Variants in ATRNL1 observed in about 807,000 individuals in gnomAD.
ATRNL1 encodes the protein attractin like 1, also known as attractin-like protein 1.
ATRNL1 carries 95 observed loss-of-function variants against 182.7 expected under a neutral mutation model. That is an observed-to-expected ratio of 0.52 (90% CI 0.44 to 0.62). The LOEUF is 0.62. ATRNL1 is among the 20% of genes least tolerant of loss of function. The pLI is 0.00. For missense variants in ATRNL1, 1,471 were observed against 1,679.5 expected (o/e 0.88, Z 2.17); for synonymous variants, 576 against 568.3 (o/e 1.01, Z -0.19).
At chr10:115,697,450 C>A (rs782680650) in intron 26 of ATRNL1, among the ~76,000 whole-genome samples, 1 of 151,988 alleles carries the variant, frequency 6.6e-6, no homozygotes, top group South Asian at 2.1e-4. Flanking sequence ...CTCAGCCTCC[C>A]GAATAGCTGG....
chr10:115,316,563 C>T (rs11197157), intron 18 of ATRNL1, among the ~76,000 whole-genome samples: 4,012 of 152,108 alleles, frequency 0.026, 75 homozygotes, highest in Non-Finnish European at 0.041. Flanking sequence ...TCCACAGCCT[C>T]GCTAACATCT....
rs1555057353 is a variant in ATRNL1 at position 115,719,920 on chromosome 10, G to A, written c.3796-7328G>A. Among the ~76,000 whole-genome samples the A allele has an allele frequency of 2.0e-5, 3 of 147,416 alleles. No individual in the cohort carries two copies. The South Asian group carries it at 6.4e-4, about 32-fold the overall frequency. On this transcript the variant is annotated intron_variant, in intron 26 of 28. Coordinates refer to ENST00000355044, the MANE Select transcript of ATRNL1 (RefSeq NM_207303.4). The stretch of plus-strand genomic sequence containing the variant: ...TTTTTGCCCCAGGCTGGAGTGCAGT[G>A]GTGGTCTTGGCTCACTGTATCCTCT...
At chr10:115,171,824 A>C (rs1198864326) in intron 8 of ATRNL1, among the ~76,000 whole-genome samples, 1 of 152,040 alleles carries the variant, frequency 6.6e-6, no homozygotes, top group Non-Finnish European at 1.5e-5. Flanking sequence ...TTTTTGTACT[A>C]TACCTTTACT....
intron 28 of ATRNL1, among the ~76,000 whole-genome samples, chr10:115,885,028 T>G (rs2134449484): frequency 6.6e-6 from 1 of 152,324 alleles, no homozygotes; most frequent in South Asian, 2.1e-4. Flanking sequence ...TAAAGCTAAT[T>G]AACATTCAGA....
chr10:115,153,514 A>G (rs545203505), intron 5 of ATRNL1, among the ~76,000 whole-genome samples: 1 of 151,982 alleles, frequency 6.6e-6, no homozygotes, highest in African/African-American at 2.4e-5. Flanking sequence ...TGTTTATAGT[A>G]TTTTCTGATG....
At chr10:115,421,784 G>C (rs868971013) in intron 20 of ATRNL1, among the ~76,000 whole-genome samples, 1 of 152,254 alleles carries the variant, frequency 6.6e-6, no homozygotes, top group Middle Eastern at 3.4e-3. Context: ...CATGTTAATT[G>C]ACTTCAAACT....
At chr10:115,670,351 CATTGTT>C (rs1240880966) in intron 26 of ATRNL1, among the ~76,000 whole-genome samples, 3 of 152,152 alleles carry the variant, frequency 2.0e-5, no homozygotes, top group Admixed American at 2.0e-4. Flanking sequence ...TAGTTCCAGT[CATTGTT>C]ATTAATGTAT....
chr10:115,368,579 G>A (rs1331925013), intron 19 of ATRNL1, among the ~76,000 whole-genome samples: 1 of 152,134 alleles, frequency 6.6e-6, no homozygotes, highest in Non-Finnish European at 1.5e-5. Flanking sequence ...CACCATGGCT[G>A]TAGATCTCCA....
chr10:115,554,589 G>A lies in ATRNL1; in HGVS notation c.3795+5053G>A, dbSNP rs192747729. On this transcript the variant is annotated intron_variant, in intron 26 of 28. Transcript: ENST00000355044. ...TATAGGCCCCATTATTGGGGAATTT[G>A]TAGTTTTAAAACATTTCAATAAGGC... Among the ~76,000 whole-genome samples the A allele has an allele frequency of 5.3e-3, 810 of 151,634 alleles. 2 individuals are homozygous for A. Among genetic ancestry groups the A allele is most frequent in the Non-Finnish European group, 8.1e-3 (546 of 67,562 alleles).
rs782157017 is a variant in ATRNL1, at chr10:115,442,303, C to CTCTCTCTCTGTG, written c.3322+16002_3322+16003insCTCTCTCTGTGT. On this transcript the variant is annotated intron_variant, in intron 21 of 28. Coordinates refer to ENST00000355044, the MANE Select transcript of ATRNL1 (RefSeq NM_207303.4). Reference sequence around the variant, plus strand: ...TCTCTCTCTCTCTCTCTCTCTCTCTCTGTGTGTATGTGTGTGTGTAAACAA... The same window carrying CTCTCTCTCTGTG: ...TCTCTCTCTCTCTCTCTCTCTCTCTCTCTCTCTCTGTGTGTGTGTATGTGTGTGTGTAAACAA... Among the ~76,000 whole-genome samples, 452 of 123,828 alleles carry CTCTCTCTCTGTG rather than the reference C, an allele frequency of 3.7e-3. 9 individuals are homozygous for CTCTCTCTCTGTG. Among genetic ancestry groups the CTCTCTCTCTGTG allele is most frequent in the Non-Finnish European group, 6.1e-3 (352 of 57,942 alleles). The allele number at this position is 123,828 out of a possible 152,430, so 81.2% of individuals were successfully genotyped here. A position where few individuals can be genotyped will look rare whatever the true frequency, so the allele number is the denominator to read the frequency against.
At chr10:115,561,837 ATGT>A (rs1309531056) in intron 26 of ATRNL1, among the ~76,000 whole-genome samples, 4 of 152,210 alleles carry the variant, frequency 2.6e-5, no homozygotes, top group African/African-American at 4.8e-5. Context: ...ATCGATAATA[ATGT>A]TATTATTATT....
At chr10:115,944,573 A>G in intron 28 of ATRNL1, 85 bp from the exon 29 acceptor site, 1 of 1,170,048 alleles carries the variant, frequency 8.5e-7, no homozygotes. Context: ...ATGAAAAGCA[A>G]TAAAAAGCAG....
chr10:115,320,927 G>A (rs1854550915), intron 18 of ATRNL1, among the ~76,000 whole-genome samples: 1 of 152,156 alleles, frequency 6.6e-6, no homozygotes, highest in Non-Finnish European at 1.5e-5. Flanking sequence ...GAGATGTTGT[G>A]ATCATTCGGA....
intron 16 of ATRNL1, among the ~76,000 whole-genome samples, chr10:115,301,504 G>A (rs1227090366): frequency 2.6e-5 from 4 of 152,084 alleles, no homozygotes; most frequent in Non-Finnish European, 5.9e-5. Context: ...TTTGTAAGAT[G>A]TGGAATGCTA....
At chr10:115,356,203 T>G (rs11197181) in intron 19 of ATRNL1, among the ~76,000 whole-genome samples, 52,429 of 151,862 alleles carry the variant, frequency 0.35, 9,988 homozygotes, top group Middle Eastern at 0.47. Flanking sequence ...GCAGAAAATT[T>G]ATTACCAAAT....
intron 26 of ATRNL1, among the ~76,000 whole-genome samples, chr10:115,697,395 G>A (rs1946597646): frequency 6.6e-6 from 1 of 152,002 alleles, no homozygotes. Flanking sequence ...GAGTGATTAT[G>A]GCTCACTGCA....
intron 8 of ATRNL1, among the ~76,000 whole-genome samples, chr10:115,190,667 A>G: frequency 6.6e-6 from 1 of 152,106 alleles, no homozygotes; most frequent in Non-Finnish European, 1.5e-5. Context: ...AATCAGGGTA[A>G]TTGGGACATC....
chr10:115,376,725 T>A (rs183555172), intron 19 of ATRNL1, among the ~76,000 whole-genome samples: 1 of 152,280 alleles, frequency 6.6e-6, no homozygotes, highest in Non-Finnish European at 1.5e-5. Flanking sequence ...TACTTGAGAT[T>A]TTTTTAAGTT....
chr10:115,754,198 T>C (rs1948525031), intron 27 of ATRNL1, among the ~76,000 whole-genome samples: 3 of 152,232 alleles, frequency 2.0e-5, no homozygotes, highest in Admixed American at 1.3e-4. Flanking sequence ...TTGTCAATTT[T>C]GGCTTTTGTT....
Sources: gnomAD v4.1 joint callset for allele counts (sites outside exome capture counted in the v4.1 genomes callset) on GRCh38, gnomAD v4.1.1 for gene constraint, MANE v1.5 for transcripts, NCBI Gene and HGNC (gene_info 2026-07-23, HGNC 2026-07-21) for gene names.